The following ANKS1B variants were observed in gnomAD, a reference collection of about 807,000 sequenced individuals.
ANKS1B encodes ankyrin repeat and sterile alpha motif domain containing 1B, also known as ankyrin repeat and sterile alpha motif domain-containing protein 1B.
A neutral mutation model predicts 148.3 loss-of-function variants in ANKS1B; 36 were observed. That is an observed-to-expected ratio of 0.24 (90% CI 0.19 to 0.32). The LOEUF (loss-of-function observed/expected upper bound fraction) is 0.32, where lower values mean the gene tolerates loss of function less well. ANKS1B is among the 10% of genes least tolerant of loss of function. The pLI, the probability that ANKS1B is intolerant of heterozygous loss-of-function variation, is 1.00. For missense variants in ANKS1B, 1,157 were observed against 1,542.6 expected (o/e 0.75, Z 4.19); for synonymous variants, 542 against 560.8 (o/e 0.97, Z 0.47).
chr12:99,810,090 T>C (rs893551858), intron 3 of ANKS1B, among the ~76,000 whole-genome samples: 1 of 152,122 alleles, frequency 6.6e-6, no homozygotes, highest in Admixed American at 6.6e-5. Flanking sequence ...CAATGCGCTG[T>C]TGTGTAAAAG....
At chr12:99,616,192 T>C (rs966266534) in intron 9 of ANKS1B, among the ~76,000 whole-genome samples, 2 of 152,242 alleles carry the variant, frequency 1.3e-5, no homozygotes, top group South Asian at 4.1e-4. Context: ...GAAGAATCAA[T>C]ATCGTGAAAA....
chr12:99,776,260 A>G (rs1189528703), intron 6 of ANKS1B, among the ~76,000 whole-genome samples: 4 of 152,196 alleles, frequency 2.6e-5, no homozygotes, highest in Non-Finnish European at 5.9e-5. Flanking sequence ...TAGTTTTGAT[A>G]CAGATATAAT....
chr12:99,630,424 T>C (rs1313822841), intron 9 of ANKS1B, among the ~76,000 whole-genome samples: 2 of 152,102 alleles, frequency 1.3e-5, no homozygotes, highest in African/African-American at 4.8e-5. Flanking sequence ...AATACCCTTC[T>C]CTTAGATATG....
chr12:99,662,752 G>A (rs969405432), intron 8 of ANKS1B, among the ~76,000 whole-genome samples: 7 of 152,062 alleles, frequency 4.6e-5, no homozygotes, highest in Non-Finnish European at 1.0e-4. Context: ...CTCTATAGCG[G>A]AGGTGAATGG....
At chr12:98,814,932 G>T (rs923961428) in intron 19 of ANKS1B, among the ~76,000 whole-genome samples, 3 of 152,202 alleles carry the variant, frequency 2.0e-5, no homozygotes, top group Admixed American at 2.0e-4. Flanking sequence ...AAAATGCAAT[G>T]CATGTCTCGC....
At chr12:98,943,249 C>T (rs935893399) in intron 17 of ANKS1B, among the ~76,000 whole-genome samples, 1 of 152,180 alleles carries the variant, frequency 6.6e-6, no homozygotes, top group Non-Finnish European at 1.5e-5. Context: ...AGCCTTTAAT[C>T]TACTTCCTTA....
intron 9 of ANKS1B, among the ~76,000 whole-genome samples, chr12:99,594,793 C>A (rs948468794): frequency 6.6e-6 from 1 of 151,864 alleles, no homozygotes; most frequent in African/African-American, 2.4e-5. Flanking sequence ...TAGAAATCTG[C>A]AGTACAAATA....
intron 11 of ANKS1B, among the ~76,000 whole-genome samples, chr12:99,436,833 A>T (rs1264824730): frequency 6.6e-6 from 1 of 151,888 alleles, no homozygotes; most frequent in African/African-American, 2.4e-5. Context: ...TCCTCCAATC[A>T]TCTCCTTTAG....
chr12:99,838,958 A>C (rs959202312), intron 1 of ANKS1B, among the ~76,000 whole-genome samples: 1 of 152,154 alleles, frequency 6.6e-6, no homozygotes, highest in Non-Finnish European at 1.5e-5. Context: ...TCTTCTCCAA[A>C]GACTAATATT....
chr12:99,811,168 T>C (rs1214490810), intron 3 of ANKS1B, among the ~76,000 whole-genome samples: 1 of 151,974 alleles, frequency 6.6e-6, no homozygotes, highest in African/African-American at 2.4e-5. Flanking sequence ...TGAAAAAATA[T>C]GTATTTTTCT....
At chr12:98,987,545 A>G (rs1176934061) in intron 17 of ANKS1B, among the ~76,000 whole-genome samples, 2 of 152,182 alleles carry the variant, frequency 1.3e-5, no homozygotes, top group Non-Finnish European at 2.9e-5. Context: ...CCACTCTCAC[A>G]TGTAAAGTGA....
At chr12:99,792,682 T>C (rs903976192) in intron 4 of ANKS1B, among the ~76,000 whole-genome samples, 11 of 151,194 alleles carry the variant, frequency 7.3e-5, no homozygotes, top group African/African-American at 2.7e-4. Flanking sequence ...TAAAAAAAAA[T>C]AGTCAAAACA....
intron 11 of ANKS1B, among the ~76,000 whole-genome samples, chr12:99,442,088 C>A (rs10777989): frequency 0.42 from 63,194 of 151,446 alleles, 14,973 homozygotes; most frequent in African/African-American, 0.64. Context: ...CCCAGAAACA[C>A]CTTCATATGA....
chr12:99,656,291 C>G (rs146106943), intron 8 of ANKS1B, among the ~76,000 whole-genome samples: 23 of 152,018 alleles, frequency 1.5e-4, no homozygotes, highest in African/African-American at 4.6e-4. Flanking sequence ...CCTGTAGAAA[C>G]AGACCTCCTA....
Position 99,773,108 on chromosome 12 carries a change from A to G in ANKS1B, c.962-20T>C. On this transcript the variant is annotated intron_variant, in intron 7 of 26. Coordinates refer to ENST00000683438, the MANE Select transcript of ANKS1B (RefSeq NM_001352186.2). ...TTTCACCTATGAGAATAATTTTTTC[A>G]GAAGTTTCAAGAAAGGCTATTGTTA... 1 of 1,580,990 alleles carries G rather than the reference A, an allele frequency of 6.3e-7. No individual in the cohort carries two copies. The highest frequency in any genetic ancestry group is 8.6e-7 in the Non-Finnish European group (1 of 1,164,760).
chr12:99,185,065 T>A (rs766842898), intron 14 of ANKS1B, among the ~76,000 whole-genome samples: 1 of 152,208 alleles, frequency 6.6e-6, no homozygotes, highest in Non-Finnish European at 1.5e-5. Flanking sequence ...GTGTTCAACA[T>A]GTAGTTGTGA....
intron 12 of ANKS1B, among the ~76,000 whole-genome samples, chr12:99,379,016 C>A (rs772289686): frequency 2.6e-5 from 4 of 152,140 alleles, no homozygotes; most frequent in Admixed American, 6.5e-5. Flanking sequence ...CTGGCCTTTA[C>A]ATGATGGATA....
intron 9 of ANKS1B, among the ~76,000 whole-genome samples, chr12:99,507,483 A>G (rs542683355): frequency 6.6e-6 from 1 of 152,060 alleles, no homozygotes; most frequent in Non-Finnish European, 1.5e-5. Context: ...TGCTGAGATA[A>G]CTGAGGGTAA....
chr12:99,554,681 T>C (rs942967197), intron 9 of ANKS1B, among the ~76,000 whole-genome samples: 1 of 152,178 alleles, frequency 6.6e-6, no homozygotes, highest in Admixed American at 6.5e-5. Flanking sequence ...TGGTCCAATA[T>C]TGGAATTATT....
Sources: gnomAD v4.1 joint callset for allele counts (sites outside exome capture counted in the v4.1 genomes callset) on GRCh38, gnomAD v4.1.1 for gene constraint, MANE v1.5 for transcripts, NCBI Gene and HGNC (gene_info 2026-07-23, HGNC 2026-07-21) for gene names.